IQUB: variants seen among roughly 807,000 people sequenced by gnomAD.
IQUB encodes the protein IQ motif and ubiquitin domain containing.
In IQUB, 86 loss-of-function variants were observed where a neutral mutation model predicts 86.4. The ratio of observed to expected loss-of-function variants is 1.00; its 90% CI spans 0.84 to 1.19. IQUB has a LOEUF of 1.19. Among genes scored for constraint, IQUB ranks in the 50% most tolerant of loss-of-function variants. The pLI, the probability that IQUB is intolerant of heterozygous loss-of-function variation, is 0.00. For synonymous variants in IQUB, 289 were observed against 304.5 expected, an observed-to-expected ratio of 0.95 and a Z score of 0.53; for missense variants, 946 against 916.9, an observed-to-expected ratio of 1.03 and a Z score of -0.41.
chr7:123,460,594 A>G (rs1793932632), intron 11 of IQUB, among the ~76,000 whole-genome samples: 1 of 151,968 alleles, frequency 6.6e-6, no homozygotes, highest in Non-Finnish European at 1.5e-5. Flanking sequence ...TTTTATTAAT[A>G]AGTGGCTAAT....
intron 3 of IQUB, among the ~76,000 whole-genome samples, chr7:123,507,310 T>C (rs1830062): frequency 0.017 from 2,530 of 152,302 alleles, 69 homozygotes; most frequent in African/African-American, 0.057. Context: ...TCAACACTTA[T>C]AAAAGAGTCC....
At chr7:123,485,907 G>A (rs1795197343) in intron 7 of IQUB, among the ~76,000 whole-genome samples, 1 of 152,138 alleles carries the variant, frequency 6.6e-6, no homozygotes, top group Admixed American at 6.6e-5. Context: ...GTCAAGAGAG[G>A]TTTCTGGAAG....
chr7:123,475,031 T>A (rs902198849), intron 8 of IQUB, among the ~76,000 whole-genome samples: 5 of 152,204 alleles, frequency 3.3e-5, no homozygotes, highest in Admixed American at 2.6e-4. Flanking sequence ...GCCCAGCTTA[T>A]TTATCTGGTT....
At chr7:123,465,863 C>T (rs1009759534) in intron 9 of IQUB, among the ~76,000 whole-genome samples, 24 of 152,058 alleles carry the variant, frequency 1.6e-4, no homozygotes, top group Middle Eastern at 3.4e-3. Flanking sequence ...AATTTAACTG[C>T]TCTGAAGTGG....
chr7:123,480,152 A>C (rs1050457136), intron 7 of IQUB, among the ~76,000 whole-genome samples, 182 bp from the exon 8 acceptor site: 1 of 152,144 alleles, frequency 6.6e-6, no homozygotes, highest in African/African-American at 2.4e-5. Context: ...AGACTTAATA[A>C]AAGTAGAGCC....
chr7:123,508,591 C>T (rs989404165), intron 3 of IQUB, among the ~76,000 whole-genome samples: 3 of 152,300 alleles, frequency 2.0e-5, no homozygotes, highest in Non-Finnish European at 4.4e-5. Context: ...TGCCTGGTAC[C>T]TAAAGACGAA....
intron 3 of IQUB, among the ~76,000 whole-genome samples, chr7:123,504,243 G>C (rs1415792331): frequency 6.6e-6 from 1 of 152,064 alleles, no homozygotes; most frequent in Non-Finnish European, 1.5e-5. Flanking sequence ...ATGGCCAGGA[G>C]TTCATGACCA....
At chr7:123,504,503 G>T (rs1204881722) in intron 3 of IQUB, among the ~76,000 whole-genome samples, 2 of 152,114 alleles carry the variant, frequency 1.3e-5, no homozygotes, top group African/African-American at 4.8e-5. Context: ...GGCTGTATGG[G>T]AGCATGGCTG....
chr7:123,514,211 T>C (rs1796548367), intron 1 of IQUB, among the ~76,000 whole-genome samples: 1 of 152,128 alleles, frequency 6.6e-6, no homozygotes. Context: ...GTAAAATCAC[T>C]GCAGACTTAT....
chr7:123,456,598 T>C (rs1029079639), intron 12 of IQUB: 2 of 152,072 alleles, frequency 1.3e-5, no homozygotes, highest in Non-Finnish European at 2.9e-5. Context: ...GACTACTGCA[T>C]TTTGTCATTT....
At chr7:123,516,759 G>A (rs1241683352) in intron 1 of IQUB, among the ~76,000 whole-genome samples, 1 of 152,098 alleles carries the variant, frequency 6.6e-6, no homozygotes, top group African/African-American at 2.4e-5. Flanking sequence ...CAATATAAAT[G>A]TATTACCTGT....
chr7:123,465,320 T>C (rs575710273), intron 9 of IQUB, among the ~76,000 whole-genome samples: 2 of 152,002 alleles, frequency 1.3e-5, no homozygotes, highest in African/African-American at 2.4e-5. Flanking sequence ...CACTAAACCA[T>C]ATTATTTAAA....
intron 1 of IQUB, among the ~76,000 whole-genome samples, chr7:123,522,761 C>T (rs532606680): frequency 2.0e-5 from 3 of 151,988 alleles, no homozygotes; most frequent in African/African-American, 7.3e-5. Context: ...GTGCAGGTTA[C>T]TTACATATGT....
At chr7:123,527,626 C>CG (rs1295281379) in intron 1 of IQUB, among the ~76,000 whole-genome samples, 1 of 151,990 alleles carries the variant, frequency 6.6e-6, no homozygotes, top group Non-Finnish European at 1.5e-5. Flanking sequence ...TTAGGCTGCT[C>CG]GGGGGTCAGG....
At chr7:123,492,129 A>G (rs1234304063) in intron 7 of IQUB, among the ~76,000 whole-genome samples, 1 of 152,202 alleles carries the variant, frequency 6.6e-6, no homozygotes, top group Non-Finnish European at 1.5e-5. Flanking sequence ...CCAGACACTG[A>G]GTCTGCTGGT....
chr7:123,520,066 T>C (rs567022661), intron 1 of IQUB, among the ~76,000 whole-genome samples: 12 of 146,994 alleles, frequency 8.2e-5, no homozygotes, highest in African/African-American at 3.0e-4. Flanking sequence ...CACACAGCCA[T>C]GGACAAGGCT....
Position 123,503,216 on chromosome 7 carries a change from A to G in IQUB, c.680T>C (p.Val227Ala). The part of the protein sequence containing the change: ...GLTDVSQIIT[V>A]TVQTGLDQYQ... ...AAATAACGAACCAGTTTGGACAGTG[A>G]CAGTTATGATTTGAGAGACATCAGT... Residue 227 changes from valine to alanine, a missense_variant, in exon 4 of 13, where the codon GTC (valine) becomes GCC (alanine). Physicochemically the swap from Val to Ala is moderately conservative, Grantham distance 64. Coordinates refer to ENST00000324698, the MANE Select transcript of IQUB (RefSeq NM_178827.5). The G allele has an allele frequency of 6.2e-7, 1 of 1,611,690 alleles. No homozygotes were observed. Among genetic ancestry groups the G allele is most frequent in the Non-Finnish European group, 8.5e-7 (1 of 1,179,044 alleles).
chr7:123,463,296 A>G (rs1057216512), intron 10 of IQUB, among the ~76,000 whole-genome samples: 1 of 151,702 alleles, frequency 6.6e-6, no homozygotes. Flanking sequence ...CTAGGAATTT[A>G]CCCCAAAACA....
chr7:123,495,197 A>C (rs920394757), intron 7 of IQUB, among the ~76,000 whole-genome samples: 1 of 152,070 alleles, frequency 6.6e-6, no homozygotes, highest in African/African-American at 2.4e-5. Flanking sequence ...CAGACACACA[A>C]TTCTAGGGAG....
Sources: gnomAD v4.1 joint callset for allele counts (sites outside exome capture counted in the v4.1 genomes callset) on GRCh38, gnomAD v4.1.1 for gene constraint, MANE v1.5 for transcripts, NCBI Gene and HGNC (gene_info 2026-07-23, HGNC 2026-07-21) for gene names.